BRD4: variants seen among roughly 807,000 people sequenced by gnomAD.
The protein encoded by BRD4 is bromodomain-containing protein 4.
Under a neutral mutation model 142.1 loss-of-function variants are expected in BRD4, and 16 were observed. That is an observed-to-expected ratio of 0.11 (90% CI 0.08 to 0.17). The LOEUF is 0.17. BRD4 is among the 10% of genes least tolerant of loss of function. BRD4 has a pLI of 1.00. For synonymous variants in BRD4, 833 were observed against 707.5 expected (o/e 1.18, Z -2.82); for missense variants, 1,424 against 1,810.9 (o/e 0.79, Z 3.88).
chr19:15,265,164 T>G (rs1419262541), intron 5 of BRD4, among the ~76,000 whole-genome samples, 190 bp downstream of exon 5: 1 of 152,042 alleles, frequency 6.6e-6, no homozygotes, highest in Non-Finnish European at 1.5e-5. Flanking sequence ...CACTAGGAGG[T>G]GTGACACAAT....
At chr19:15,263,571 G>A (rs753822218) in intron 6 of BRD4, 23 bp from the exon 7 acceptor site, 2 of 1,613,084 alleles carry the variant, frequency 1.2e-6, no homozygotes, top group South Asian at 2.2e-5. Flanking sequence ...ACAAGTCCCT[G>A]TTAGCTGTGT....
At position 15,244,424 on chromosome 19, in the gene BRD4, C is replaced by A; in HGVS notation, c.2388G>T (p.Ser796=). The A allele has an allele frequency of 6.5e-7, 1 of 1,536,016 alleles. No homozygotes were observed. ...PQQAAPAMKS[S]PPPFIATQVP... The stretch of plus-strand genomic sequence containing the variant: ...CCTGGGTGGCAATGAAGGGTGGGGG[C>A]GAGGACTTCATCGCCGGGGCTGCCT... Residue 796 remains serine (S), a synonymous_variant, in exon 13 of 20, where the codon TCG becomes TCT. Transcript: ENST00000679869.
chr19:15,315,671 T>C (rs1244759633), intron 1 of BRD4, among the ~76,000 whole-genome samples: 1 of 152,018 alleles, frequency 6.6e-6, no homozygotes. Flanking sequence ...TCTGAAAATA[T>C]AGTGAAGCCT....
At chr19:15,257,665 C>T (rs1387921337) in intron 7 of BRD4, among the ~76,000 whole-genome samples, 2 of 152,222 alleles carry the variant, frequency 1.3e-5, no homozygotes, top group African/African-American at 4.8e-5. Flanking sequence ...AAGCGCACCT[C>T]CTCTAGGGGA....
intron 1 of BRD4, among the ~76,000 whole-genome samples, chr19:15,299,017 G>A (rs1331664923): frequency 6.6e-6 from 1 of 152,198 alleles, no homozygotes; most frequent in Admixed American, 6.5e-5. Flanking sequence ...CAGTCATGGT[G>A]GCACCACAAA....
At chr19:15,328,570 C>T (rs17721902) in intron 1 of BRD4, among the ~76,000 whole-genome samples, 1 of 152,150 alleles carries the variant, frequency 6.6e-6, no homozygotes, top group African/African-American at 2.4e-5. Context: ...AAGTCACTAC[C>T]GAACAATTAT....
At chr19:15,240,167 A>C (rs1013472255) in intron 14 of BRD4, 145 bp from the exon 15 acceptor site, 2 of 1,299,802 alleles carry the variant, frequency 1.5e-6, no homozygotes, top group Non-Finnish European at 2.1e-6. Flanking sequence ...AGCCCAGCTC[A>C]AAAAGGGTGA....
At position 15,239,619 on chromosome 19, in the gene BRD4, G is replaced by C; in HGVS notation, c.3445+40C>G. On this transcript the variant is annotated intron_variant, in intron 16 of 19. Transcript: ENST00000679869. This position sits in a 1 kb window ranked among gnomAD's most constrained non-coding sequence, Gnocchi z 7.4. ...AAGCTTATGTCCAACACGGGCCTCG[G>C]GGGGCCTGAGCCCTGGCTGTGGGCA... 1 of 1,558,458 alleles carries C rather than the reference G, an allele frequency of 6.4e-7. No homozygotes were observed. Among genetic ancestry groups the C allele is most frequent in the South Asian group, 1.2e-5 (1 of 84,076 alleles).
At chr19:15,321,795 G>GC (rs2056268996) in intron 1 of BRD4, among the ~76,000 whole-genome samples, 2 of 152,142 alleles carry the variant, frequency 1.3e-5, no homozygotes, top group African/African-American at 2.4e-5. Context: ...GCACACAAAT[G>GC]ACACTCTACA....
chr19:15,327,308 G>T (rs1487581328), intron 1 of BRD4, among the ~76,000 whole-genome samples: 1 of 152,188 alleles, frequency 6.6e-6, no homozygotes, highest in Non-Finnish European at 1.5e-5. Flanking sequence ...GAAAGCTAAG[G>T]TGGGTGGATC....
At chr19:15,283,844 A>C (rs1187944483) in intron 1 of BRD4, among the ~76,000 whole-genome samples, 2 of 152,206 alleles carry the variant, frequency 1.3e-5, no homozygotes, top group East Asian at 3.9e-4. Context: ...GGGGACACAA[A>C]AGGGAACAGG....
chr19:15,255,086 C>CACCACCAGTCAGATATGT (rs2047391801), intron 10 of BRD4, among the ~76,000 whole-genome samples: 1 of 151,842 alleles, frequency 6.6e-6, no homozygotes, highest in Non-Finnish European at 1.5e-5. Context: ...AGGCCCCAGA[C>CACCACCAGTCAGATATGT]ACCACCAGTC....
At position 15,265,507 on chromosome 19, in the gene BRD4, G is replaced by A. The variant is rs996702767; in HGVS notation, c.696C>T (p.Leu232=). 3.7e-6 allele frequency: 6 copies of A among 1,613,770 alleles called. No individual in the cohort carries two copies. Among genetic ancestry groups the A allele is most frequent in the Non-Finnish European group, 5.1e-6 (6 of 1,179,884 alleles). ...PHPFPAVTPD[L]IVQTPVMTVV... ...CTGTCATGACAGGGGTCTGGACGATGAGGTCCGGGGTGACGGCAGGGAAGG... is the reference window on the plus strand; with the variant it reads ...CTGTCATGACAGGGGTCTGGACGATAAGGTCCGGGGTGACGGCAGGGAAGG... The change falls in exon 5 of 20, where the codon CTC becomes CTT. Residue 232 remains leucine, a synonymous_variant. Coordinates refer to ENST00000679869, the MANE Select transcript of BRD4 (RefSeq NM_001379291.1).
At chr19:15,259,550 G>A (rs1003878349) in intron 7 of BRD4, among the ~76,000 whole-genome samples, 1 of 152,246 alleles carries the variant, frequency 6.6e-6, no homozygotes, top group Non-Finnish European at 1.5e-5. Flanking sequence ...ACATTGGTGG[G>A]ACTGGGAACT....
intron 11 of BRD4, among the ~76,000 whole-genome samples, chr19:15,246,115 G>C (rs1366800606): frequency 1.3e-5 from 2 of 152,202 alleles, no homozygotes; most frequent in East Asian, 1.9e-4. Context: ...GGGGACACGG[G>C]GGAACCTGGG....
intron 11 of BRD4, among the ~76,000 whole-genome samples, chr19:15,246,151 G>A (rs1011823363): frequency 6.6e-6 from 1 of 152,178 alleles, no homozygotes; most frequent in African/African-American, 2.4e-5. Flanking sequence ...TGCATACAGG[G>A]CTCAGGACGC....
Position 15,239,026 on chromosome 19 carries a change from G to A in BRD4, c.3782+33C>T, listed in dbSNP as rs746206112. The A allele has an allele frequency of 2.5e-6, 4 of 1,579,030 alleles. No homozygotes were observed. Among genetic ancestry groups the A allele is most frequent in the Non-Finnish European group, 2.6e-6 (3 of 1,166,012 alleles). On this transcript the variant is annotated intron_variant, in intron 18 of 19. Transcript: ENST00000679869. This position sits in a 1 kb window ranked among gnomAD's most constrained non-coding sequence, Gnocchi z 7.4. ...AGCCTGGGGACTGGTGTGGCCCCAA[G>A]AGTCCCCATGCCCCACCCAGACACC...
chr19:15,263,341 G>A, intron 7 of BRD4, 79 bp downstream of exon 7: 1 of 1,516,808 alleles, frequency 6.6e-7, no homozygotes, highest in Non-Finnish European at 8.9e-7. Context: ...AAAAAACTCT[G>A]CCAAGGCCCA....
At chr19:15,329,407 G>A (rs1437604756) in intron 1 of BRD4, among the ~76,000 whole-genome samples, 1 of 152,018 alleles carries the variant, frequency 6.6e-6, no homozygotes, top group Non-Finnish European at 1.5e-5. Flanking sequence ...AACAGCCCAG[G>A]GTCTTCAAAT....
Sources: allele counts gnomAD v4.1 joint callset (sites outside exome capture counted in the v4.1 genomes callset), GRCh38; gene constraint gnomAD v4.1.1; non-coding constraint Gnocchi (gnomAD v3.1); transcripts MANE v1.5; gene names NCBI Gene and HGNC (gene_info 2026-07-23, HGNC 2026-07-21).